PDE3B: variants seen among roughly 807,000 people sequenced by gnomAD.
PDE3B encodes the protein cGMP-inhibited 3',5'-cyclic phosphodiesterase 3B.
A neutral mutation model predicts 116.8 loss-of-function variants in PDE3B; 66 were observed. The ratio of observed to expected loss-of-function variants is 0.56; its 90% CI spans 0.46 to 0.69. PDE3B has a LOEUF of 0.69. Among genes scored for constraint, PDE3B ranks in the 30% least tolerant of loss-of-function variants. PDE3B has a pLI of 0.00. For missense variants in PDE3B, 1,384 were observed against 1,368.1 expected, an observed-to-expected ratio of 1.01 and a Z score of -0.18; for synonymous variants, 595 against 533.6, an observed-to-expected ratio of 1.12 and a Z score of -1.59.
intron 1 of PDE3B, among the ~76,000 whole-genome samples, chr11:14,680,835 A>C (rs1395382152): frequency 1.3e-5 from 2 of 151,040 alleles, no homozygotes. Context: ...ATCCATGGAC[A>C]TGATATATCT....
At chr11:14,781,509 C>T (rs1465697427) in intron 2 of PDE3B, among the ~76,000 whole-genome samples, 2 of 152,160 alleles carry the variant, frequency 1.3e-5, no homozygotes, top group Non-Finnish European at 2.9e-5. Context: ...GTTCAACATA[C>T]ACAAATCAAT....
intron 1 of PDE3B, among the ~76,000 whole-genome samples, chr11:14,659,358 G>C (rs544669717): frequency 1.3e-5 from 2 of 152,176 alleles, no homozygotes; most frequent in African/African-American, 2.4e-5. Context: ...AGTGTTGATA[G>C]AACATTTTCA....
At chr11:14,770,058 G>C (rs1565128860) in intron 1 of PDE3B, among the ~76,000 whole-genome samples, 1 of 151,298 alleles carries the variant, frequency 6.6e-6, no homozygotes, top group Non-Finnish European at 1.5e-5. Context: ...AGGGAAATAA[G>C]GTATACAAGT....
chr11:14,677,741 C>T (rs1201924173), intron 1 of PDE3B, among the ~76,000 whole-genome samples: 1 of 152,166 alleles, frequency 6.6e-6, no homozygotes, highest in African/African-American at 2.4e-5. Context: ...AGTCTCTTTT[C>T]CTTCACTGTA....
intron 2 of PDE3B, chr11:14,772,988 G>A (rs1857688596): frequency 6.6e-6 from 1 of 151,818 alleles, no homozygotes; most frequent in Admixed American, 6.6e-5. Flanking sequence ...TACTTTCTAG[G>A]ACCTTCAACG....
chr11:14,881,197 T>C, the PDE3B span, among the ~76,000 whole-genome samples: 2 of 152,098 alleles, frequency 1.3e-5, no homozygotes, highest in Non-Finnish European at 2.9e-5. Flanking sequence ...TAAAAGAGAA[T>C]GGATTTTAGA....
chr11:14,759,548 GTT>G (rs1212052756), intron 1 of PDE3B, among the ~76,000 whole-genome samples: 10 of 129,130 alleles, frequency 7.7e-5, no homozygotes, highest in Admixed American at 1.6e-4. Flanking sequence ...ATCAGAAGTA[GTT>G]TTTTTTTTTT....
At chr11:14,861,134 T>C (rs945935912) in intron 13 of PDE3B, 71 bp from the exon 14 acceptor site, 2 of 1,209,514 alleles carry the variant, frequency 1.7e-6, no homozygotes, top group Non-Finnish European at 2.4e-6. Flanking sequence ...GATAATTTGG[T>C]AAAAGCAAAC....
rs181870863 is a variant in PDE3B, at chr11:14,765,629, C to A, written c.979-6308C>A. Among the ~76,000 whole-genome samples, 977 of 151,524 alleles carry A rather than the reference C, an allele frequency of 6.4e-3. 10 individuals are homozygous for A. The highest frequency in any genetic ancestry group is 0.011 in the Non-Finnish European group (738 of 67,698). On this transcript the variant is annotated intron_variant, in intron 1 of 15. Coordinates refer to ENST00000282096, the MANE Select transcript of PDE3B (RefSeq NM_000922.4). ...ACAGTATGAAAAGAAATAATAATTT[C>A]TGGTATTGTATTATATATTAGCACA...
intron 12 of PDE3B, among the ~76,000 whole-genome samples, chr11:14,847,734 C>A (rs1193216889): frequency 1.3e-5 from 2 of 152,186 alleles, no homozygotes; most frequent in African/African-American, 2.4e-5. Flanking sequence ...ACTAGAAAAT[C>A]TAGAAGAAAT....
chr11:14,674,037 G>C, intron 1 of PDE3B: 1 of 1,492,850 alleles, frequency 6.7e-7, no homozygotes, highest in Non-Finnish European at 9.3e-7. Flanking sequence ...TGGTAATTAA[G>C]TCCCAGTCAT....
At chr11:14,728,843 A>G (rs999060789) in intron 1 of PDE3B, among the ~76,000 whole-genome samples, 11 of 152,196 alleles carry the variant, frequency 7.2e-5, no homozygotes, top group Non-Finnish European at 1.3e-4. Flanking sequence ...TATAAAAACT[A>G]AACTGCATGT....
the PDE3B span, chr11:14,890,962 T>C: frequency 1.0e-6 from 1 of 985,458 alleles, no homozygotes; most frequent in Non-Finnish European, 1.2e-6. Flanking sequence ...CCACAGCCTG[T>C]GGCCGATAAT....
chr11:14,787,417 A>C (rs1048253499), intron 3 of PDE3B, among the ~76,000 whole-genome samples: 1 of 151,992 alleles, frequency 6.6e-6, no homozygotes, highest in Non-Finnish European at 1.5e-5. Flanking sequence ...CAGATAAGGA[A>C]ACTAACCAAG....
chr11:14,715,711 TA>T (rs1037689612), intron 1 of PDE3B, among the ~76,000 whole-genome samples: 37 of 152,336 alleles, frequency 2.4e-4, no homozygotes, highest in African/African-American at 7.5e-4. Flanking sequence ...AAACAGAGAC[TA>T]TTTGACTTCC....
chr11:14,739,834 G>A (rs1020923127), intron 1 of PDE3B, among the ~76,000 whole-genome samples: 1 of 152,090 alleles, frequency 6.6e-6, no homozygotes, highest in Non-Finnish European at 1.5e-5. Flanking sequence ...TTTTGTCGAA[G>A]GCCTTTTGTG....
chr11:14,778,348 A>T (rs941618957), intron 2 of PDE3B, among the ~76,000 whole-genome samples: 12 of 152,332 alleles, frequency 7.9e-5, no homozygotes, highest in Non-Finnish European at 1.5e-4. Context: ...TTGAGATCTA[A>T]GAATGGACAG....
At chr11:14,663,506 T>A (rs923206292) in intron 1 of PDE3B, among the ~76,000 whole-genome samples, 3 of 151,904 alleles carry the variant, frequency 2.0e-5, no homozygotes, top group African/African-American at 7.3e-5. Context: ...TAAAAGACAC[T>A]CCTCACTTCA....
chr11:14,716,229 C>T (rs1486568798), intron 1 of PDE3B, among the ~76,000 whole-genome samples: 1 of 152,168 alleles, frequency 6.6e-6, no homozygotes, highest in Non-Finnish European at 1.5e-5. Flanking sequence ...AAAAACGGCG[C>T]ACCACGAGAC....
Sources: allele counts gnomAD v4.1 joint callset (sites outside exome capture counted in the v4.1 genomes callset), GRCh38; gene constraint gnomAD v4.1.1; transcripts MANE v1.5; gene names NCBI Gene and HGNC (gene_info 2026-07-23, HGNC 2026-07-21).